The following CFAP100 variants were observed in gnomAD, a reference collection of about 807,000 sequenced individuals.
CFAP100 encodes cilia- and flagella-associated protein 100.
In CFAP100, 70 loss-of-function variants were observed where a neutral mutation model predicts 81.5. The ratio of observed to expected loss-of-function variants is 0.86; its 90% CI spans 0.71 to 1.05. The LOEUF is 1.05. CFAP100 is among the 50% of genes least tolerant of loss of function. CFAP100 has a pLI of 0.00. For synonymous variants in CFAP100, 341 were observed against 314.8 expected, an observed-to-expected ratio of 1.08 and a Z score of -0.88; for missense variants, 811 against 776.5, an observed-to-expected ratio of 1.04 and a Z score of -0.53.
intron 13 of CFAP100, among the ~76,000 whole-genome samples, chr3:126,429,533 GCTTT>G (rs1933106158): frequency 6.6e-6 from 1 of 151,156 alleles, no homozygotes; most frequent in East Asian, 1.9e-4. Flanking sequence ...TTCCTCTTCT[GCTTT>G]CTTTTGGGTT....
intron 2 of CFAP100, 101 bp downstream of exon 2, chr3:126,396,150 G>A (rs1476626871): frequency 1.0e-5 from 9 of 899,324 alleles, no homozygotes; most frequent in Non-Finnish European, 1.1e-5. Context: ...CAAACACTAG[G>A]CAGGAGTCAT....
chr3:126,423,140 C>T (rs1352799142), intron 11 of CFAP100, among the ~76,000 whole-genome samples, 185 bp from the exon 12 acceptor site: 1 of 152,134 alleles, frequency 6.6e-6, no homozygotes, highest in African/African-American at 2.4e-5. Context: ...TGAAACTATC[C>T]CCTGGCTGCA....
chr3:126,434,857 C>T (rs985914726), intron 15 of CFAP100, among the ~76,000 whole-genome samples: 27 of 152,218 alleles, frequency 1.8e-4, no homozygotes, highest in African/African-American at 3.6e-4. Context: ...GTTGCTGGAG[C>T]GGAAGACAAA....
At chr3:126,436,248 G>C (rs1017324071) in intron 16 of CFAP100, 43 bp from the exon 17 acceptor site, 7 of 1,516,858 alleles carry the variant, frequency 4.6e-6, no homozygotes, top group African/African-American at 4.1e-5. Context: ...TGGGCATACG[G>C]CTCACTAGGC....
chr3:126,426,715 A>G, intron 13 of CFAP100, among the ~76,000 whole-genome samples: 1 of 152,200 alleles, frequency 6.6e-6, no homozygotes, highest in South Asian at 2.1e-4. Context: ...GCACCACTGC[A>G]CTCCAGCCTG....
intron 8 of CFAP100, among the ~76,000 whole-genome samples, 163 bp from the exon 9 acceptor site, chr3:126,419,474 G>C (rs2083294219): frequency 6.6e-6 from 1 of 152,192 alleles, no homozygotes; most frequent in South Asian, 2.1e-4. Flanking sequence ...GTTGCAGGGT[G>C]GGTGCCTGTC....
At chr3:126,419,593 G>A (rs1395078922) in intron 8 of CFAP100, 44 bp from the exon 9 acceptor site, 2 of 1,589,600 alleles carry the variant, frequency 1.3e-6, no homozygotes, top group East Asian at 4.5e-5. Context: ...CTGTGGCAGA[G>A]GCTGACCTCC....
At chr3:126,429,107 C>CA (rs57773311) in intron 13 of CFAP100, among the ~76,000 whole-genome samples, 2,278 of 95,474 alleles carry the variant, frequency 0.024, 91 homozygotes, top group Non-Finnish European at 0.032. Context: ...CGTCTCCATC[C>CA]AAAAAAAAAA....
intron 2 of CFAP100, among the ~76,000 whole-genome samples, chr3:126,406,427 C>G (rs554068745): frequency 1.3e-5 from 2 of 152,188 alleles, no homozygotes; most frequent in Non-Finnish European, 2.9e-5. Context: ...CCGGAGACCA[C>G]GTTCTGGCAG....
intron 4 of CFAP100, among the ~76,000 whole-genome samples, chr3:126,415,109 G>A (rs924771969): frequency 4.6e-5 from 7 of 152,168 alleles, no homozygotes; most frequent in South Asian, 4.1e-4. Flanking sequence ...CCAATGAGGC[G>A]TTCGGTTTTC....
At chr3:126,416,539 G>A (rs1232943713) in intron 5 of CFAP100, 31 bp downstream of exon 5, 2 of 1,503,564 alleles carry the variant, frequency 1.3e-6, no homozygotes. Flanking sequence ...GGGGACCTGG[G>A]CCAGTGGCGT....
chr3:126,406,109 G>A (rs2083058862), intron 2 of CFAP100, among the ~76,000 whole-genome samples: 1 of 152,090 alleles, frequency 6.6e-6, no homozygotes, highest in Non-Finnish European at 1.5e-5. Context: ...CAGCAACCGA[G>A]CCCCTGAGTT....
At chr3:126,417,489 G>A (rs879279774) in intron 5 of CFAP100, among the ~76,000 whole-genome samples, 19 of 152,216 alleles carry the variant, frequency 1.2e-4, no homozygotes, top group Admixed American at 5.9e-4. Context: ...GGGGAGTGGC[G>A]CCCTGAGCTT....
rs370503598 is a variant in CFAP100, at chr3:126,416,309, C to A, written c.226-7C>A. The A allele has an allele frequency of 1.9e-6, 3 of 1,576,684 alleles. No individual in the cohort carries two copies. The highest frequency in any genetic ancestry group is 2.6e-6 in the Non-Finnish European group (3 of 1,156,484). ...GGGCCCCGCCCGACTTGGCCCGACG[C>A]CCCCAGGAACGGCAGCAGCAGAAGA... On this transcript the variant is annotated splice_polypyrimidine_tract_variant and splice_region_variant and intron_variant, in intron 4 of 16. Transcript: ENST00000352312.
At chr3:126,421,083 AC>A (rs2083324114) in intron 11 of CFAP100, among the ~76,000 whole-genome samples, 1 of 152,084 alleles carries the variant, frequency 6.6e-6, no homozygotes, top group Admixed American at 6.5e-5. Context: ...GCTCACCGCA[AC>A]CTCCGCCTCC....
rs868749344 is a variant in CFAP100, at chr3:126,399,305, G to A, written c.49+3256G>A. Among the ~76,000 whole-genome samples, 4 of 152,258 alleles carry A rather than the reference G, an allele frequency of 2.6e-5. No individual in the cohort carries two copies. In the South Asian group the frequency reaches 8.3e-4, roughly 32 times the overall value. On this transcript the variant is annotated intron_variant, in intron 2 of 16. Coordinates refer to ENST00000352312, the MANE Select transcript of CFAP100 (RefSeq NM_182628.3). ...CACAGGCCTCAGTCAAAACCTGTTA[G>A]CCTGCAAGCTCTCCCTCTAAGATCA...
rs896557168 is a variant in CFAP100 at position 126,434,075 on chromosome 3, T to C, written c.1423-101T>C. The C allele has an allele frequency of 2.3e-5, 23 of 982,484 alleles. No homozygotes were observed. In the Admixed American group the frequency reaches 3.7e-4, roughly 16 times the overall value. 60.9% of individuals were successfully genotyped at this position (982,484 alleles called of 1,614,324 possible). On this transcript the variant is annotated intron_variant, in intron 14 of 16. Transcript: ENST00000352312. ...AGAGCTCCCACTGTGTGCCAAGCGG[T>C]GGCCCCCACCCTGGGAGGTCAGCAG...
intron 3 of CFAP100, among the ~76,000 whole-genome samples, chr3:126,411,824 G>T (rs567533018): frequency 6.6e-6 from 1 of 152,130 alleles, no homozygotes; most frequent in African/African-American, 2.4e-5. Flanking sequence ...CTTGTGAGTG[G>T]TCTACACAGA....
rs767186398 is a variant in CFAP100, at chr3:126,416,448, G to C, written c.358G>C (p.Glu120Gln). Residue 120 changes from glutamate (E) to glutamine (Q), a missense_variant, in exon 5 of 17, where the codon GAG becomes CAG. Coordinates refer to ENST00000352312, the MANE Select transcript of CFAP100 (RefSeq NM_182628.3). ...GCAGGAGGACCTGGAGGCGCGCGCC[G>C]AGGCCGAGCATCAGCGCGCCTTCCG... ...DKQEDLEARAEAEHQRAFRDY... is the reference protein window; with the variant it reads ...DKQEDLEARAQAEHQRAFRDY... The C allele has an allele frequency of 8.7e-6, 14 of 1,609,596 alleles. No homozygotes were observed. The South Asian group carries it at 1.5e-4, about 18-fold the overall frequency.
Sources: allele counts gnomAD v4.1 joint callset (sites outside exome capture counted in the v4.1 genomes callset), GRCh38; gene constraint gnomAD v4.1.1; transcripts MANE v1.5; gene names NCBI Gene and HGNC (gene_info 2026-07-23, HGNC 2026-07-21).